Variants in RPN2 observed in about 807,000 individuals in gnomAD.
The protein encoded by RPN2 is ribophorin II, also known as dolichyl-diphosphooligosaccharide--protein glycosyltransferase subunit 2.
Under a neutral mutation model 71.4 loss-of-function variants are expected in RPN2, and 29 were observed. The observed-to-expected ratio is 0.41, with a 90% CI of 0.30 to 0.55. RPN2 has a LOEUF of 0.55. Among genes scored for constraint, RPN2 ranks in the 20% least tolerant of loss-of-function variants. The pLI is 0.35. For synonymous variants in RPN2, 308 were observed against 305.0 expected, an observed-to-expected ratio of 1.01 and a Z score of -0.10; for missense variants, 726 against 774.1, an observed-to-expected ratio of 0.94 and a Z score of 0.74.
At chr20:37,234,539 A>G (rs1244235603) in intron 15 of RPN2, among the ~76,000 whole-genome samples, 1 of 152,260 alleles carries the variant, frequency 6.6e-6, no homozygotes, top group Non-Finnish European at 1.5e-5. Context: ...GCTATCCTGC[A>G]TCGTTCTCTG....
rs141224628 is a variant in RPN2, at chr20:37,210,060, A to G, written c.881A>G (p.Asn294Ser). Reference protein sequence around the residue: ...EQAILRLQVTNVLSQPLTQAT... With the variant: ...EQAILRLQVTSVLSQPLTQAT... Reference sequence around the variant, plus strand: ...ATTTATTTCCAGTTGCAAGTCACCAATGTTCTGTCTCAGCCTCTGACTCAG... The same window carrying G: ...ATTTATTTCCAGTTGCAAGTCACCAGTGTTCTGTCTCAGCCTCTGACTCAG... The change falls in exon 8 of 17, where the codon AAT becomes AGT. Residue 294 changes from asparagine to serine, a missense_variant. Coordinates refer to ENST00000237530, the MANE Select transcript of RPN2 (RefSeq NM_002951.5). 6.1e-5 allele frequency: 99 copies of G among 1,614,040 alleles called. 2 individuals carry two copies. Among genetic ancestry groups the G allele is most frequent in the African/African-American group, 2.4e-4 (18 of 75,038 alleles).
chr20:37,204,238 G>C (rs1199931770), intron 5 of RPN2, among the ~76,000 whole-genome samples: 1 of 152,212 alleles, frequency 6.6e-6, no homozygotes. Context: ...GTCATGGACT[G>C]CCTGGCAGGA....
At chr20:37,234,757 T>C (rs1056488030) in intron 15 of RPN2, among the ~76,000 whole-genome samples, 6 of 151,440 alleles carry the variant, frequency 4.0e-5, no homozygotes, top group Admixed American at 4.0e-4. Flanking sequence ...CATGGCTCAC[T>C]GCAGCCTTGA....
intron 8 of RPN2, among the ~76,000 whole-genome samples, chr20:37,212,239 A>G (rs1400012407): frequency 6.6e-6 from 1 of 152,034 alleles, no homozygotes; most frequent in Non-Finnish European, 1.5e-5. Flanking sequence ...TGATCATACC[A>G]TATCACTCCA....
At chr20:37,234,530 C>G (rs1193623984) in intron 15 of RPN2, among the ~76,000 whole-genome samples, 1 of 152,210 alleles carries the variant, frequency 6.6e-6, no homozygotes, top group African/African-American at 2.4e-5. Context: ...GTCAGACATG[C>G]TATCCTGCAT....
chr20:37,227,458 C>A (rs1010105746), intron 11 of RPN2, among the ~76,000 whole-genome samples: 2 of 152,162 alleles, frequency 1.3e-5, no homozygotes, highest in East Asian at 3.8e-4. Flanking sequence ...GGAAGGAGAT[C>A]TGGCATCCGG....
In RPN2 at chr20:37,196,225, T is replaced by A. The variant is rs1426693693; in HGVS notation, c.208-2172T>A. On this transcript the variant is annotated intron_variant, in intron 2 of 16. Transcript: ENST00000237530. The stretch of plus-strand genomic sequence containing the variant: ...CAGGTGAGCGCCACCGTGCCTAGTC[T>A]CCCCCCCACCTTTTTTTTTTTGAGA... Among the ~76,000 whole-genome samples, 56 of 135,182 alleles carry A rather than the reference T, an allele frequency of 4.1e-4. 1 individual carries two copies. Among genetic ancestry groups the A allele is most frequent in the African/African-American group, 1.5e-3 (53 of 35,242 alleles). The allele number at this position is 135,182 out of a possible 152,430, so 88.7% of individuals were successfully genotyped here.
In RPN2 at chr20:37,225,812, ACAC is replaced by A; in HGVS notation, c.1299+12_1299+14del. ...ACTCACTCCTCACCAGGTCAGGAAG[ACAC>A]CTAGACAGTTCTCTTAACCTGAAAT... On this transcript the variant is annotated intron_variant, in intron 11 of 16. Transcript: ENST00000237530. 1 of 1,553,730 alleles carries A rather than the reference ACAC, an allele frequency of 6.4e-7. No homozygotes were observed. Among genetic ancestry groups the A allele is most frequent in the South Asian group, 1.1e-5 (1 of 89,790 alleles).
At chr20:37,204,615 C>A in intron 5 of RPN2, 152 bp from the exon 6 acceptor site, 1 of 905,984 alleles carries the variant, frequency 1.1e-6, no homozygotes, top group East Asian at 2.4e-5. Context: ...TGCCTAAGCA[C>A]CATTTTTGAG....
In RPN2 at chr20:37,241,216, C is replaced by T. The variant is rs2050093; in HGVS notation, c.1884-87C>T. 1,169,506 of 1,489,636 alleles carry T rather than the reference C, an allele frequency of 0.79. 462,347 individuals are homozygous for T. Among genetic ancestry groups the T allele is most frequent in the Middle Eastern group, 0.86 (4,956 of 5,788 alleles). The allele number at this position is 1,489,636 out of a possible 1,614,324, so 92.3% of individuals were successfully genotyped here. A position where few individuals can be genotyped will look rare whatever the true frequency, so the allele number is the denominator to read the frequency against. On this transcript the variant is annotated intron_variant, in intron 16 of 16. Coordinates refer to ENST00000237530, the MANE Select transcript of RPN2 (RefSeq NM_002951.5). ...ATGGGATCTTAGAGCGGGAGAGTAC[C>T]TTAGTCTCTCTGTTGTCACCAGTTA...
At chr20:37,193,530 A>G (rs1478062200) in intron 2 of RPN2, among the ~76,000 whole-genome samples, 1 of 152,198 alleles carries the variant, frequency 6.6e-6, no homozygotes, top group Non-Finnish European at 1.5e-5. Flanking sequence ...CCAATGAGCA[A>G]TATATTTTAA....
chr20:37,199,362 A>G, intron 4 of RPN2, 137 bp downstream of exon 4: 3 of 1,078,922 alleles, frequency 2.8e-6, no homozygotes, highest in South Asian at 1.4e-5. Flanking sequence ...GTGCTCTGCA[A>G]GGCACCGCAG....
intron 8 of RPN2, among the ~76,000 whole-genome samples, chr20:37,210,956 G>A (rs1160570012): frequency 1.3e-5 from 2 of 152,028 alleles, no homozygotes; most frequent in East Asian, 1.9e-4. Flanking sequence ...AGGAGACTGA[G>A]GCAGATGGAT....
chr20:37,225,623 T>C, intron 10 of RPN2, 65 bp from the exon 11 acceptor site: 1 of 1,051,850 alleles, frequency 9.5e-7, no homozygotes, highest in South Asian at 1.3e-5. Context: ...GAAGTATATA[T>C]TTTCTGCCTG....
chr20:37,236,563 G>T lies in RPN2; in HGVS notation c.1754-17G>T. On this transcript the variant is annotated splice_polypyrimidine_tract_variant and intron_variant, in intron 15 of 16. Coordinates refer to ENST00000237530, the MANE Select transcript of RPN2 (RefSeq NM_002951.5). ...TATGTTTCATTTAATTGGATGTCAT[G>T]ACACCTCTTCTTGCAGCTATGCTGG... is the stretch of plus-strand genomic sequence containing the variant. 2 of 1,613,808 alleles carry T rather than the reference G, an allele frequency of 1.2e-6. No individual in the cohort carries two copies. Among genetic ancestry groups the T allele is most frequent in the South Asian group, 1.1e-5 (1 of 91,022 alleles).
intron 6 of RPN2, among the ~76,000 whole-genome samples, chr20:37,205,988 C>T (rs1002309215): frequency 2.0e-5 from 3 of 152,186 alleles, no homozygotes; most frequent in African/African-American, 7.2e-5. Flanking sequence ...GGTGAACAGT[C>T]ACCCATTTTA....
At chr20:37,209,018 G>A (rs1364639480) in intron 7 of RPN2, among the ~76,000 whole-genome samples, 3 of 152,332 alleles carry the variant, frequency 2.0e-5, no homozygotes, top group African/African-American at 7.2e-5. Flanking sequence ...GTCAAGAGGG[G>A]CTAAGAGAAC....
chr20:37,239,360 C>A (rs1009293763), intron 16 of RPN2, among the ~76,000 whole-genome samples: 24 of 152,260 alleles, frequency 1.6e-4, no homozygotes, highest in African/African-American at 5.8e-4. Flanking sequence ...CTGCCCTAGA[C>A]CAACAAAGGG....
intron 2 of RPN2, among the ~76,000 whole-genome samples, chr20:37,197,892 C>T (rs901302582): frequency 2.6e-5 from 4 of 152,178 alleles, no homozygotes; most frequent in Non-Finnish European, 4.4e-5. Context: ...CTGCACCCAG[C>T]GTTAAGCTCA....
Sources: gnomAD v4.1 joint callset for allele counts (sites outside exome capture counted in the v4.1 genomes callset) on GRCh38, gnomAD v4.1.1 for gene constraint, MANE v1.5 for transcripts, NCBI Gene and HGNC (gene_info 2026-07-23, HGNC 2026-07-21) for gene names.